The following OSBPL10 variants were observed in gnomAD, a reference collection of about 807,000 sequenced individuals.
OSBPL10 encodes oxysterol-binding protein-related protein 10.
OSBPL10 carries 49 observed loss-of-function variants against 81.7 expected under a neutral mutation model. The ratio of observed to expected loss-of-function variants is 0.60; its 90% confidence interval spans 0.48 to 0.76. The LOEUF (loss-of-function observed/expected upper bound fraction) is 0.76. Among genes scored for constraint, OSBPL10 ranks in the 30% least tolerant of loss-of-function variants. OSBPL10 has a pLI of 0.00. For synonymous variants in OSBPL10, 419 were observed against 383.6 expected (o/e 1.09, Z -1.08); for missense variants, 923 against 987.8 (o/e 0.93, Z 0.88).
intron 3 of OSBPL10, among the ~76,000 whole-genome samples, chr3:31,863,982 G>A (rs141717185): frequency 1.2e-3 from 186 of 152,266 alleles, no homozygotes; most frequent in African/African-American, 4.0e-3. Flanking sequence ...AAGAAGCAGC[G>A]TTGATATTTG....
intron 1 of OSBPL10, among the ~76,000 whole-genome samples, chr3:31,913,240 A>T (rs199873570): frequency 6.5e-4 from 64 of 97,996 alleles, no homozygotes; most frequent in African/African-American, 1.5e-3. Context: ...TTTTTTTTTT[A>T]TTTTGTTTTT....
At chr3:31,765,023 C>CT (rs368473631) in intron 4 of OSBPL10, among the ~76,000 whole-genome samples, 65 of 151,002 alleles carry the variant, frequency 4.3e-4, no homozygotes, top group African/African-American at 1.4e-3. Flanking sequence ...TACTTTTTTT[C>CT]TTTTTTTTTC....
intron 4 of OSBPL10, among the ~76,000 whole-genome samples, chr3:31,778,895 G>T (rs1698616421): frequency 6.6e-6 from 1 of 152,086 alleles, no homozygotes; most frequent in Admixed American, 6.6e-5. Context: ...TAGCCAGAAG[G>T]GACTGGGATC....
chr3:32,044,868 C>T (rs1699608936), intron 2 of OSBPL10, among the ~76,000 whole-genome samples: 1 of 151,596 alleles, frequency 6.6e-6, no homozygotes. Flanking sequence ...TATTTCTCAA[C>T]CTTATTTGAA....
intron 3 of OSBPL10, among the ~76,000 whole-genome samples, chr3:31,870,514 G>A (rs964776768): frequency 2.0e-5 from 3 of 152,258 alleles, no homozygotes; most frequent in Non-Finnish European, 4.4e-5. Context: ...CATGGCGCAG[G>A]ACTGGCAGGC....
At chr3:31,793,729 T>C (rs940471613) in intron 4 of OSBPL10, among the ~76,000 whole-genome samples, 2 of 152,174 alleles carry the variant, frequency 1.3e-5, no homozygotes, top group African/African-American at 2.4e-5. Flanking sequence ...TGAGAAACAA[T>C]AGTGTGAATT....
intron 1 of OSBPL10, chr3:31,906,941 G>T (rs1389049591): frequency 1.3e-5 from 2 of 152,210 alleles, no homozygotes; most frequent in African/African-American, 4.8e-5. Flanking sequence ...TATGTTAAGA[G>T]AACTTTTATG....
intron 1 of OSBPL10, among the ~76,000 whole-genome samples, chr3:31,953,597 G>T (rs935115304): frequency 6.6e-6 from 1 of 151,820 alleles, no homozygotes; most frequent in South Asian, 2.1e-4. Flanking sequence ...TTGTAAAGAC[G>T]GTTTTACCAT....
At chr3:31,855,003 G>GGTTTT (rs535156106) in intron 3 of OSBPL10, among the ~76,000 whole-genome samples, 304 of 151,390 alleles carry the variant, frequency 2.0e-3, no homozygotes, top group Non-Finnish European at 3.6e-3. Flanking sequence ...TGGTTGTCAT[G>GGTTTT]GTTTTGTTTT....
At chr3:31,806,980 G>A (rs936886164) in intron 4 of OSBPL10, among the ~76,000 whole-genome samples, 2 of 152,138 alleles carry the variant, frequency 1.3e-5, no homozygotes, top group African/African-American at 4.8e-5. Context: ...CAGGGACCTG[G>A]TCATGGACAG....
At chr3:31,858,833 T>C (rs892879259) in intron 3 of OSBPL10, among the ~76,000 whole-genome samples, 1 of 152,182 alleles carries the variant, frequency 6.6e-6, no homozygotes, top group African/African-American at 2.4e-5. Context: ...TCAAAACTTT[T>C]AGGGGGAAAG....
chr3:31,830,457 C>G (rs970624156), intron 3 of OSBPL10, among the ~76,000 whole-genome samples: 4 of 152,188 alleles, frequency 2.6e-5, no homozygotes, highest in Non-Finnish European at 5.9e-5. Flanking sequence ...TGCTTCCTGT[C>G]CTACGCTATG....
intron 4 of OSBPL10, among the ~76,000 whole-genome samples, chr3:31,752,981 C>T (rs1231194369): frequency 1.3e-5 from 2 of 152,186 alleles, no homozygotes; most frequent in Non-Finnish European, 2.9e-5. Context: ...CCTTCAATTA[C>T]TCAATCTGTC....
intron 6 of OSBPL10, chr3:31,718,159 A>G (rs951869123): frequency 6.0e-5 from 9 of 149,710 alleles, no homozygotes; most frequent in Non-Finnish European, 1.0e-4. Context: ...ACAAAGTCTC[A>G]CTCTGCTGTC....
intron 8 of OSBPL10, among the ~76,000 whole-genome samples, chr3:31,681,560 C>T (rs183699413): frequency 5.3e-5 from 8 of 152,274 alleles, no homozygotes; most frequent in Admixed American, 2.0e-4. Context: ...ATCCAAAATC[C>T]ATGATCCCTT....
At chr3:31,729,899 C>A (rs776766352) in intron 6 of OSBPL10, among the ~76,000 whole-genome samples, 1 of 152,196 alleles carries the variant, frequency 6.6e-6, no homozygotes, top group East Asian at 1.9e-4. Context: ...AACCTCCATG[C>A]CACTGCCTGC....
rs140034244 is a variant in OSBPL10 at position 31,876,400 on chromosome 3, C to T, written c.537+33G>A. ...GGGGCTGAAAGCCAGGCTGGTTATT[C>T]GAATGCCTCCTTCCTTTCTCACGGT... On this transcript the variant is annotated intron_variant, in intron 3 of 11. Coordinates refer to ENST00000396556, the MANE Select transcript of OSBPL10 (RefSeq NM_017784.5). The T allele has an allele frequency of 5.9e-5, 92 of 1,551,322 alleles. 1 individual carries two copies. The African/African-American group carries it at 1.1e-3, about 19-fold the overall frequency.
intron 4 of OSBPL10, among the ~76,000 whole-genome samples, chr3:31,783,146 T>TATATATATATATATATATATAC (rs1485968747): frequency 1.8e-5 from 2 of 113,028 alleles, no homozygotes; most frequent in African/African-American, 7.7e-5. Context: ...TATATATATA[T>TATATATATATATATATATATAC]ACACACACAC....
chr3:31,806,619 A>C lies in OSBPL10; in HGVS notation c.729+23421T>G, dbSNP rs76701075. ...TAGTGTGGGACACAGGCAATGAGCA[A>C]ATAAAGACATAATACAATGTCAGGC... On this transcript the variant is annotated intron_variant, in intron 4 of 11. Coordinates refer to ENST00000396556, the MANE Select transcript of OSBPL10 (RefSeq NM_017784.5). Among the ~76,000 whole-genome samples the C allele has an allele frequency of 7.2e-3, 1,095 of 152,334 alleles. 19 individuals are homozygous for C. Among genetic ancestry groups the C allele is most frequent in the African/African-American group, 0.025 (1,021 of 41,578 alleles).
Sources: gnomAD v4.1 joint callset for allele counts (sites outside exome capture counted in the v4.1 genomes callset) on GRCh38, gnomAD v4.1.1 for gene constraint, MANE v1.5 for transcripts, NCBI Gene and HGNC (gene_info 2026-07-23, HGNC 2026-07-21) for gene names.